Variants in RIMS1 observed in about 807,000 individuals in gnomAD.
The protein encoded by RIMS1 is regulating synaptic membrane exocytosis 1.
Under a neutral mutation model 214.1 loss-of-function variants are expected in RIMS1, and 83 were observed. The ratio of observed to expected loss-of-function variants is 0.39; its 90% CI spans 0.32 to 0.47. RIMS1 has a LOEUF of 0.47. Among genes scored for constraint, RIMS1 ranks in the 20% least tolerant of loss-of-function variants. RIMS1 has a pLI of 0.99. For missense variants in RIMS1, 2,050 were observed against 2,161.8 expected, an observed-to-expected ratio of 0.95 and a Z score of 1.03; for synonymous variants, 793 against 786.8, an observed-to-expected ratio of 1.01 and a Z score of -0.13.
chr6:72,333,725 C>A lies in RIMS1; in HGVS notation c.4256C>A (p.Ala1419Asp). 1 of 1,598,992 alleles carries A rather than the reference C, an allele frequency of 6.3e-7. No individual in the cohort carries two copies. Among genetic ancestry groups the A allele is most frequent in the Non-Finnish European group, 8.5e-7 (1 of 1,172,694 alleles). Reference sequence around the variant, plus strand: ...AATGACGGCAGCCAGTCAGACACAGCTGTGGGTACAGTTGGAGCAGGTGGA... The same window carrying A: ...AATGACGGCAGCCAGTCAGACACAGATGTGGGTACAGTTGGAGCAGGTGGA... ...EHNDGSQSDT[A>D]VGTVGAGGKK... Residue 1419 changes from alanine (A) to aspartate (D), a missense_variant, in exon 29 of 34, where the codon GCT becomes GAT. By Grantham distance (126) the Ala-to-Asp change is moderately radical. Coordinates refer to ENST00000521978, the MANE Select transcript of RIMS1 (RefSeq NM_014989.7).
chr6:71,984,689 T>C (rs1194463357), intron 2 of RIMS1, among the ~76,000 whole-genome samples: 3 of 152,162 alleles, frequency 2.0e-5, no homozygotes, highest in Non-Finnish European at 4.4e-5. Context: ...CAGAACATTG[T>C]AAGTTGAGTC....
At chr6:72,278,267 T>A (rs972041659) in intron 23 of RIMS1, among the ~76,000 whole-genome samples, 1 of 152,094 alleles carries the variant, frequency 6.6e-6, no homozygotes, top group Admixed American at 6.5e-5. Context: ...TTAAATAATC[T>A]TATTTCCAGA....
At chr6:72,273,148 T>G (rs1404821554) in intron 22 of RIMS1, among the ~76,000 whole-genome samples, 1 of 152,102 alleles carries the variant, frequency 6.6e-6, no homozygotes, top group Non-Finnish European at 1.5e-5. Context: ...TCCAGAGAAT[T>G]TCAGAATTGA....
intron 6 of RIMS1, among the ~76,000 whole-genome samples, chr6:72,198,639 A>T (rs144001866): frequency 1.3e-5 from 2 of 152,146 alleles, no homozygotes; most frequent in East Asian, 3.9e-4. Flanking sequence ...ATATTTCAGA[A>T]TAGCTAGAAG....
chr6:72,383,765 A>G lies in RIMS1; in HGVS notation c.4367-6833A>G, dbSNP rs139252708. On this transcript the variant is annotated intron_variant, in intron 29 of 33. Transcript: ENST00000521978. Reference sequence around the variant, plus strand: ...TGATCACACCACTGCACTCCAGCCTAGTGATGGCATAATCATAGCTTACTG... The same window carrying G: ...TGATCACACCACTGCACTCCAGCCTGGTGATGGCATAATCATAGCTTACTG... Among the ~76,000 whole-genome samples, 30 of 152,162 alleles carry G rather than the reference A, an allele frequency of 2.0e-4. No homozygotes were observed. The East Asian group carries it at 5.0e-3, about 25-fold the overall frequency.
chr6:71,916,820 A>T (rs1778577136), intron 1 of RIMS1, among the ~76,000 whole-genome samples: 1 of 152,086 alleles, frequency 6.6e-6, no homozygotes, highest in Admixed American at 6.6e-5. Flanking sequence ...TAAGTCAGTT[A>T]ATTAGTTAGT....
intron 2 of RIMS1, among the ~76,000 whole-genome samples, chr6:72,041,279 A>G (rs1301776738): frequency 3.3e-5 from 5 of 152,094 alleles, no homozygotes; most frequent in African/African-American, 1.2e-4. Context: ...ACCTGGCTAT[A>G]CCTGCTAAAG....
chr6:71,963,195 AG>A (rs2151277461), intron 1 of RIMS1, among the ~76,000 whole-genome samples: 1 of 152,300 alleles, frequency 6.6e-6, no homozygotes, highest in African/African-American at 2.4e-5. Context: ...TTAAAGACAG[AG>A]GGCTGCCTGG....
chr6:72,377,943 C>T (rs1305272677), intron 29 of RIMS1, among the ~76,000 whole-genome samples: 1 of 152,186 alleles, frequency 6.6e-6, no homozygotes, highest in Non-Finnish European at 1.5e-5. Context: ...GTTTACCTCA[C>T]CCATCCTTAC....
chr6:72,112,103 A>T (rs1002817478), intron 4 of RIMS1, among the ~76,000 whole-genome samples: 3 of 152,150 alleles, frequency 2.0e-5, no homozygotes, highest in Admixed American at 2.0e-4. Flanking sequence ...CAAATGACTA[A>T]CACATTATTA....
intron 6 of RIMS1, among the ~76,000 whole-genome samples, chr6:72,224,186 T>C (rs1477978099): frequency 1.3e-5 from 2 of 152,176 alleles, no homozygotes; most frequent in African/African-American, 4.8e-5. Flanking sequence ...AGAGGGACTG[T>C]CTAGAAATAT....
intron 24 of RIMS1, among the ~76,000 whole-genome samples, chr6:72,286,690 A>T (rs954257247): frequency 2.0e-5 from 3 of 152,174 alleles, no homozygotes; most frequent in Non-Finnish European, 4.4e-5. Context: ...GCTGTTAAGA[A>T]GATACCTTGA....
intron 2 of RIMS1, among the ~76,000 whole-genome samples, chr6:72,090,708 AT>A (rs1835974336): frequency 1.3e-5 from 2 of 152,188 alleles, no homozygotes; most frequent in Admixed American, 1.3e-4. Flanking sequence ...GCTAATTTAT[AT>A]TTATGTATAA....
intron 1 of RIMS1, among the ~76,000 whole-genome samples, chr6:71,965,734 C>G (rs965604559): frequency 6.6e-5 from 10 of 151,892 alleles, no homozygotes; most frequent in Admixed American, 3.9e-4. Context: ...TCGAAGAGCC[C>G]CAATCTGATA....
chr6:72,218,893 T>G (rs1192158844), intron 6 of RIMS1, among the ~76,000 whole-genome samples: 2 of 152,226 alleles, frequency 1.3e-5, no homozygotes, highest in Non-Finnish European at 2.9e-5. Flanking sequence ...CATAGAAGTT[T>G]GTCTGCTCAA....
intron 19 of RIMS1, chr6:72,262,309 C>G: frequency 1.1e-6 from 1 of 930,910 alleles, no homozygotes; most frequent in Non-Finnish European, 1.3e-6. Context: ...CTCCACAAGT[C>G]CTATTTAATA....
In RIMS1 at chr6:72,259,021, G is replaced by A. The variant is rs1282302870; in HGVS notation, c.2963G>A (p.Arg988His). The A allele has an allele frequency of 4.3e-6, 7 of 1,612,616 alleles. No homozygotes were observed. The highest frequency in any genetic ancestry group is 1.7e-5 in the Admixed American group (1 of 59,966). The part of the protein sequence containing the change: ...LDEIHPTRRS[R>H]SPTRHHDASR... ...GAAATTCATCCAACAAGAAGGTCAC[G>A]TTCTCCAACCAGACACCATGATGCC... Residue 988 changes from arginine (R) to histidine (H), a missense_variant, in exon 18 of 34, where the codon CGT becomes CAT. Physicochemically the swap from Arg to His is conservative, Grantham distance 29. Transcript: ENST00000521978.
chr6:71,902,838 A>G (rs924842974), intron 1 of RIMS1, among the ~76,000 whole-genome samples: 1 of 152,048 alleles, frequency 6.6e-6, no homozygotes, highest in Non-Finnish European at 1.5e-5. Context: ...CCATCCATGT[A>G]CCTGCAAAGG....
intron 19 of RIMS1, chr6:72,262,954 A>G (rs1321192583): frequency 1.5e-5 from 7 of 474,084 alleles, no homozygotes; most frequent in African/African-American, 2.1e-5. Context: ...CAATAATTAT[A>G]TGTTATGAAT....
Sources: gnomAD v4.1 joint callset for allele counts (sites outside exome capture counted in the v4.1 genomes callset) on GRCh38, gnomAD v4.1.1 for gene constraint, MANE v1.5 for transcripts, NCBI Gene and HGNC (gene_info 2026-07-23, HGNC 2026-07-21) for gene names.